The following GTF2F2 variants were observed in gnomAD, a reference collection of about 807,000 sequenced individuals.
GTF2F2 encodes the protein ATP-dependent helicase GTF2F2.
In GTF2F2, 23 loss-of-function variants were observed where a neutral mutation model predicts 42.2. That is an observed-to-expected ratio of 0.55 (90% CI 0.39 to 0.77). GTF2F2 has a LOEUF of 0.77. GTF2F2 is among the 30% of genes least tolerant of loss of function. The pLI is 0.00. For synonymous variants in GTF2F2, 105 were observed against 100.8 expected, an observed-to-expected ratio of 1.04 and a Z score of -0.25; for missense variants, 261 against 287.2, an observed-to-expected ratio of 0.91 and a Z score of 0.66.
At chr13:45,137,916 C>T (rs1869715102) in intron 2 of GTF2F2, among the ~76,000 whole-genome samples, 1 of 152,180 alleles carries the variant, frequency 6.6e-6, no homozygotes, top group African/African-American at 2.4e-5. Flanking sequence ...GGGCCATGCT[C>T]ATCTTCTCTG....
In GTF2F2 at chr13:45,149,763, C is replaced by T; in HGVS notation, c.141-7C>T. Reference sequence around the variant, plus strand: ...TTATTTTAAATATTTCTTTTCCTCTCCTTTAGGACTCAAGGAAGGACTGAG... The same window carrying T: ...TTATTTTAAATATTTCTTTTCCTCTTCTTTAGGACTCAAGGAAGGACTGAG... On this transcript the variant is annotated splice_region_variant and splice_polypyrimidine_tract_variant and intron_variant, in intron 2 of 7. Coordinates refer to ENST00000340473, the MANE Select transcript of GTF2F2 (RefSeq NM_004128.3). 1.3e-6 allele frequency: 2 copies of T among 1,509,394 alleles called. No homozygotes were observed. The highest frequency in any genetic ancestry group is 1.8e-6 in the Non-Finnish European group (2 of 1,122,514). The allele number at this position is 1,509,394 out of a possible 1,614,324, so 93.5% of individuals were successfully genotyped here. A position where few individuals can be genotyped will look rare whatever the true frequency, so the allele number is the denominator to read the frequency against.
chr13:45,174,617 G>A (rs543766870), intron 4 of GTF2F2, among the ~76,000 whole-genome samples: 1 of 144,420 alleles, frequency 6.9e-6, no homozygotes, highest in South Asian at 2.2e-4. Context: ...TTTTCATGGA[G>A]CACTGTTTTC....
intron 6 of GTF2F2, among the ~76,000 whole-genome samples, chr13:45,262,862 A>T (rs1305692699): frequency 6.6e-6 from 1 of 152,064 alleles, no homozygotes; most frequent in African/African-American, 2.4e-5. Context: ...CTCCTGCCTT[A>T]GCCTCCTGAG....
intron 5 of GTF2F2, among the ~76,000 whole-genome samples, chr13:45,213,203 C>T (rs1036284450): frequency 4.0e-5 from 6 of 151,530 alleles, no homozygotes; most frequent in East Asian, 3.9e-4. Context: ...CTCAGCCTCC[C>T]GAGTAGCTGG....
chr13:45,133,473 C>G (rs1288976794), intron 1 of GTF2F2, among the ~76,000 whole-genome samples: 1 of 152,154 alleles, frequency 6.6e-6, no homozygotes, highest in East Asian at 1.9e-4. Context: ...CCAGCACTCC[C>G]TCAACATAGG....
Position 45,133,800 on chromosome 13 carries a change from C to G in GTF2F2, c.67-2933C>G, listed in dbSNP as rs1203990708. Among the ~76,000 whole-genome samples the G allele has an allele frequency of 1.3e-5, 2 of 152,220 alleles. 1 individual carries two copies. Among genetic ancestry groups the G allele is most frequent in the Admixed American group, 1.3e-4 (2 of 15,284 alleles). On this transcript the variant is annotated intron_variant, in intron 1 of 7. Transcript: ENST00000340473. ...CGTGCCACTGTAAGCCTGCTTCAAG[C>G]TAGCCCACCCCTTTTTAAAGTGTGT...
At chr13:45,252,516 G>C (rs779785832) in intron 5 of GTF2F2, among the ~76,000 whole-genome samples, 1 of 152,056 alleles carries the variant, frequency 6.6e-6, no homozygotes, top group Non-Finnish European at 1.5e-5. Context: ...TAACTTGATT[G>C]ATTTTAGACC....
chr13:45,232,648 G>A (rs1646515380), intron 5 of GTF2F2, among the ~76,000 whole-genome samples: 1 of 151,950 alleles, frequency 6.6e-6, no homozygotes, highest in Admixed American at 6.6e-5. Context: ...AAAAAGAAAT[G>A]AAGAAAAACA....
intron 6 of GTF2F2, among the ~76,000 whole-genome samples, chr13:45,261,511 T>C (rs1321438434): frequency 6.6e-6 from 1 of 152,068 alleles, no homozygotes; most frequent in South Asian, 2.1e-4. Flanking sequence ...AATTTGTAAC[T>C]GAAGACTAAA....
chr13:45,255,681 A>G (rs116426979), intron 6 of GTF2F2, among the ~76,000 whole-genome samples: 1,899 of 152,278 alleles, frequency 0.012, 41 homozygotes, highest in African/African-American at 0.04. Flanking sequence ...GTAAATAGAG[A>G]TTCTATTCTA....
At chr13:45,171,158 A>G (rs533707962) in intron 4 of GTF2F2, among the ~76,000 whole-genome samples, 1 of 145,650 alleles carries the variant, frequency 6.9e-6, no homozygotes, top group South Asian at 2.1e-4. Flanking sequence ...GCTCACTGCA[A>G]CCTCCGCCTC....
At chr13:45,220,201 C>T (rs1030836926) in intron 5 of GTF2F2, among the ~76,000 whole-genome samples, 1 of 152,162 alleles carries the variant, frequency 6.6e-6, no homozygotes, top group African/African-American at 2.4e-5. Context: ...ATCACAATGA[C>T]TCATTCTTTT....
At chr13:45,145,806 CTG>C (rs1870164555) in intron 2 of GTF2F2, among the ~76,000 whole-genome samples, 1 of 152,168 alleles carries the variant, frequency 6.6e-6, no homozygotes, top group Non-Finnish European at 1.5e-5. Flanking sequence ...CCTCAGTGTG[CTG>C]CCACTTTTGC....
intron 5 of GTF2F2, among the ~76,000 whole-genome samples, chr13:45,226,002 A>G (rs867334175): frequency 6.6e-6 from 1 of 151,992 alleles, no homozygotes; most frequent in Admixed American, 6.6e-5. Context: ...GGAAAAATGC[A>G]TCTGTTTTCT....
At chr13:45,235,963 G>A (rs1593508838) in intron 5 of GTF2F2, among the ~76,000 whole-genome samples, 1 of 152,124 alleles carries the variant, frequency 6.6e-6, no homozygotes, top group African/African-American at 2.4e-5. Flanking sequence ...ACCACAAAAA[G>A]TACAAAAACC....
chr13:45,166,398 A>G (rs910064844), intron 4 of GTF2F2, among the ~76,000 whole-genome samples: 2 of 152,224 alleles, frequency 1.3e-5, no homozygotes, highest in African/African-American at 4.8e-5. Flanking sequence ...TCATGTTACT[A>G]TGAAGACATG....
intron 4 of GTF2F2, among the ~76,000 whole-genome samples, chr13:45,166,157 A>C (rs1406144639): frequency 1.3e-5 from 2 of 152,212 alleles, no homozygotes; most frequent in African/African-American, 4.8e-5. Context: ...AGAAAAATAC[A>C]TAACCATAAG....
At chr13:45,245,194 G>A (rs1875523242) in intron 5 of GTF2F2, among the ~76,000 whole-genome samples, 1 of 152,158 alleles carries the variant, frequency 6.6e-6, no homozygotes. Context: ...GTAAAATGTG[G>A]TGAATCCCAT....
chr13:45,155,656 T>A (rs1214590921), intron 4 of GTF2F2, among the ~76,000 whole-genome samples: 1 of 152,244 alleles, frequency 6.6e-6, no homozygotes, highest in African/African-American at 2.4e-5. Context: ...GTTAATTTCT[T>A]TCTAATTCAG....
Sources: allele counts gnomAD v4.1 joint callset (sites outside exome capture counted in the v4.1 genomes callset), GRCh38; gene constraint gnomAD v4.1.1; transcripts MANE v1.5; gene names NCBI Gene and HGNC (gene_info 2026-07-23, HGNC 2026-07-21).